The following DPH6 variants were observed in gnomAD, a reference collection of about 807,000 sequenced individuals.
The protein encoded by DPH6 is diphthine--ammonia ligase.
Under a neutral mutation model 38.2 loss-of-function variants are expected in DPH6, and 33 were observed. The ratio of observed to expected loss-of-function variants is 0.86; its 90% CI spans 0.65 to 1.15. The LOEUF is 1.15. DPH6 is among the 50% of genes most tolerant of loss of function. The pLI, the probability that DPH6 is intolerant of heterozygous loss-of-function variation, is 0.00. For synonymous variants in DPH6, 108 were observed against 103.0 expected (o/e 1.05, Z -0.30); for missense variants, 325 against 320.0 (o/e 1.02, Z -0.12).
At chr15:35,315,142 G>T (rs1198732732) in intron 3 of DPH6, among the ~76,000 whole-genome samples, 1 of 152,086 alleles carries the variant, frequency 6.6e-6, no homozygotes, top group Non-Finnish European at 1.5e-5. Flanking sequence ...ACCTCATGTC[G>T]CACAACCAAC....
intron 3 of DPH6, among the ~76,000 whole-genome samples, chr15:35,364,843 C>CT (rs1437186150): frequency 6.6e-6 from 1 of 151,916 alleles, no homozygotes; most frequent in Non-Finnish European, 1.5e-5. Context: ...AGCTACTATG[C>CT]TTTTAAACAT....
At chr15:35,449,431 C>T (rs2053901136) in intron 5 of DPH6, among the ~76,000 whole-genome samples, 1 of 152,016 alleles carries the variant, frequency 6.6e-6, no homozygotes, top group Admixed American at 6.6e-5. Context: ...ACTATCTTTT[C>T]AATAAGGGAG....
At chr15:35,453,027 T>C (rs552680020) in intron 4 of DPH6, among the ~76,000 whole-genome samples, 21 of 152,312 alleles carry the variant, frequency 1.4e-4, no homozygotes, top group African/African-American at 4.8e-4. Flanking sequence ...TAGTAGGCAT[T>C]AAACACTGGG....
At chr15:35,286,862 G>A (rs2051947220) in intron 3 of DPH6, among the ~76,000 whole-genome samples, 1 of 152,098 alleles carries the variant, frequency 6.6e-6, no homozygotes, top group Admixed American at 6.6e-5. Context: ...GAGTATTATG[G>A]CTTTGCTATT....
chr15:35,195,442 T>G, the DPH6 span, among the ~76,000 whole-genome samples: 1 of 152,198 alleles, frequency 6.6e-6, no homozygotes, highest in South Asian at 2.1e-4. Context: ...AAACTTTGGG[T>G]GAAAAGATAC....
chr15:35,521,871 T>C lies in DPH6; in HGVS notation c.312+16403A>G, dbSNP rs186437847. ...CAAAGTGATTAGCAGTCATTAATGT[T>C]AATTAGTGTTCACATTACATTCCTT... On this transcript the variant is annotated intron_variant, in intron 3 of 8. Coordinates refer to ENST00000256538, the MANE Select transcript of DPH6 (RefSeq NM_080650.4). The C allele has an allele frequency of 1.4e-4, 191 of 1,370,594 alleles. 1 individual carries two copies. Among genetic ancestry groups the C allele is most frequent in the Non-Finnish European group, 2.2e-5 (24 of 1,068,686 alleles). The allele number at this position is 1,370,594 out of a possible 1,614,324, so 84.9% of individuals were successfully genotyped here. A position where few individuals can be genotyped will look rare whatever the true frequency, so the allele number is the denominator to read the frequency against.
At chr15:35,409,661 A>G (rs2053339346) in intron 6 of DPH6, among the ~76,000 whole-genome samples, 1 of 151,970 alleles carries the variant, frequency 6.6e-6, no homozygotes, top group Non-Finnish European at 1.5e-5. Context: ...ACATTTTGGT[A>G]GAAGCTAAAT....
At chr15:35,199,192 C>T in the DPH6 span, among the ~76,000 whole-genome samples, 1 of 152,268 alleles carries the variant, frequency 6.6e-6, no homozygotes, top group South Asian at 2.1e-4. Context: ...GGATTACAGG[C>T]GTGAGCCACC....
At chr15:35,226,428 T>C (rs571764458) in intron 3 of DPH6, among the ~76,000 whole-genome samples, 2 of 151,430 alleles carry the variant, frequency 1.3e-5, no homozygotes, top group Admixed American at 1.3e-4. Flanking sequence ...AGTTTCCACA[T>C]ACATTTAAAA....
At position 35,227,306 on chromosome 15, in the gene DPH6, C is replaced by G. The variant is rs563109914; in HGVS notation, n.201-6724G>C. ...TCATGCCATTCTCCTGCCTCAGTCT[C>G]CCCAGTAGCTGGGACTACAGGCGCC... On this transcript the variant is annotated intron_variant and non_coding_transcript_variant, in intron 3 of 3. Coordinates refer to the DPH6 transcript ENST00000560386. Among the ~76,000 whole-genome samples, 3 of 150,020 alleles carry G rather than the reference C, an allele frequency of 2.0e-5. No homozygotes were observed. The East Asian group carries it at 6.1e-4, about 31-fold the overall frequency.
In DPH6 at chr15:35,373,489, T is replaced by C. The variant is rs372147325; in HGVS notation, c.750+32A>G. On this transcript the variant is annotated intron_variant, in intron 8 of 8. Transcript: ENST00000256538. ...CCAATGTATATATCTCAAATTTCTA[T>C]TGAAATCACTGTGAATCTTAGATTT... The C allele has an allele frequency of 1.1e-5, 17 of 1,569,922 alleles. No homozygotes were observed. The African/African-American group carries it at 1.2e-4, about 11-fold the overall frequency.
At chr15:35,484,869 T>C (rs1400997294) in intron 3 of DPH6, among the ~76,000 whole-genome samples, 1 of 152,124 alleles carries the variant, frequency 6.6e-6, no homozygotes, top group Non-Finnish European at 1.5e-5. Flanking sequence ...CCTTTCATAA[T>C]AAAACGTTTA....
At chr15:35,380,268 C>T (rs1458750290) in intron 7 of DPH6, among the ~76,000 whole-genome samples, 1 of 152,184 alleles carries the variant, frequency 6.6e-6, no homozygotes, top group Non-Finnish European at 1.5e-5. Context: ...AACCACCTTC[C>T]CTGACATCTT....
chr15:35,317,943 G>A (rs1263299287), intron 3 of DPH6, among the ~76,000 whole-genome samples: 1 of 151,764 alleles, frequency 6.6e-6, no homozygotes, highest in East Asian at 1.9e-4. Flanking sequence ...CCAATAAAGG[G>A]GGGAACAGAA....
chr15:35,194,092 C>A, the DPH6 span, among the ~76,000 whole-genome samples: 2 of 152,042 alleles, frequency 1.3e-5, no homozygotes, highest in Non-Finnish European at 2.9e-5. Context: ...GACAAGAAAA[C>A]CTTGTTAAAA....
chr15:35,323,179 T>C (rs1451324011), intron 3 of DPH6, among the ~76,000 whole-genome samples: 1 of 152,192 alleles, frequency 6.6e-6, no homozygotes, highest in Non-Finnish European at 1.5e-5. Context: ...AAACTTAAGG[T>C]CAAATTCTGA....
At chr15:35,437,053 A>G (rs568817336) in intron 5 of DPH6, among the ~76,000 whole-genome samples, 1 of 151,800 alleles carries the variant, frequency 6.6e-6, no homozygotes, top group Non-Finnish European at 1.5e-5. Flanking sequence ...CTAGGCACCC[A>G]TGTTTACATG....
At chr15:35,472,541 T>G (rs2054211287) in intron 3 of DPH6, among the ~76,000 whole-genome samples, 1 of 152,088 alleles carries the variant, frequency 6.6e-6, no homozygotes, top group South Asian at 2.1e-4. Context: ...ACATTTAAGC[T>G]GACTAAGCCC....
intron 3 of DPH6, among the ~76,000 whole-genome samples, chr15:35,279,393 AG>A (rs1291071190): frequency 6.6e-6 from 1 of 152,118 alleles, no homozygotes; most frequent in African/African-American, 2.4e-5. Flanking sequence ...TTGAGGAACC[AG>A]GGGCAGAAGG....
Sources: allele counts gnomAD v4.1 joint callset (sites outside exome capture counted in the v4.1 genomes callset), GRCh38; gene constraint gnomAD v4.1.1; transcripts MANE v1.5; gene names NCBI Gene and HGNC (gene_info 2026-07-23, HGNC 2026-07-21).